AJAP1: variants seen among roughly 807,000 people sequenced by gnomAD.
AJAP1 encodes the protein adherens junctions associated protein 1, also known as adherens junction-associated protein 1.
Under a neutral mutation model 35.0 loss-of-function variants are expected in AJAP1, and 5 were observed. That is an observed-to-expected ratio of 0.14 (90% confidence interval 0.07 to 0.30). The LOEUF is 0.30. AJAP1 is among the 10% of genes least tolerant of loss of function. The pLI is 1.00. For missense variants in AJAP1, 586 were observed against 571.0 expected, an observed-to-expected ratio of 1.03 and a Z score of -0.27; for synonymous variants, 284 against 249.3, an observed-to-expected ratio of 1.14 and a Z score of -1.31.
chr1:4,749,162 C>T (rs770770863), intron 2 of AJAP1, among the ~76,000 whole-genome samples: 8 of 152,182 alleles, frequency 5.3e-5, no homozygotes, highest in Non-Finnish European at 8.8e-5. Flanking sequence ...AAGGGCCTTC[C>T]GTGAGCTCAC....
rs1641797868 is a variant in AJAP1, at chr1:4,769,950, C to T, written c.917+10C>T. The T allele has an allele frequency of 1.2e-6, 2 of 1,608,952 alleles. No individual in the cohort carries two copies. The highest frequency in any genetic ancestry group is 3.3e-5 in the Admixed American group (2 of 60,016). On this transcript the variant is annotated intron_variant, in intron 3 of 5. Transcript: ENST00000378191. Reference sequence around the variant, plus strand: ...TTGTCTTAAAAAATTGGTAAGGCTCCTTGGGCCCTTCTGGCCCAGAAATGG... The same window carrying T: ...TTGTCTTAAAAAATTGGTAAGGCTCTTTGGGCCCTTCTGGCCCAGAAATGG...
In AJAP1 at chr1:4,774,534, G is replaced by A; in HGVS notation, c.*35G>A. 2.5e-6 allele frequency: 4 copies of A among 1,596,300 alleles called. No individual in the cohort carries two copies. Among genetic ancestry groups the A allele is most frequent in the Non-Finnish European group, 3.4e-6 (4 of 1,164,444 alleles). ...GTCTTTTTTACCTCCTGGGGGCAGG[G>A]CAGACGCCGTGTGTCTGTTTCACGG... On this transcript the variant is annotated 3_prime_UTR_variant, in exon 5 of 6. Transcript: ENST00000378191.
At chr1:4,719,071 T>C (rs1300033884) in intron 2 of AJAP1, among the ~76,000 whole-genome samples, 1 of 152,184 alleles carries the variant, frequency 6.6e-6, no homozygotes, top group Non-Finnish European at 1.5e-5. Flanking sequence ...GTTTGATATA[T>C]AGTGGGTTGA....
intron 1 of AJAP1, among the ~76,000 whole-genome samples, chr1:4,665,984 G>A (rs1270067413): frequency 6.6e-6 from 1 of 152,244 alleles, no homozygotes; most frequent in African/African-American, 2.4e-5. Context: ...GGACAGCCAG[G>A]CGGAGGGAAT....
intron 1 of AJAP1, among the ~76,000 whole-genome samples, chr1:4,705,911 A>G (rs777638947): frequency 6.4e-4 from 98 of 152,316 alleles, no homozygotes; most frequent in Non-Finnish European, 1.2e-3. Flanking sequence ...CCACGTGTGT[A>G]GTTCCTGGTT....
chr1:4,689,183 A>G (rs771035353), intron 1 of AJAP1, among the ~76,000 whole-genome samples: 2 of 152,122 alleles, frequency 1.3e-5, no homozygotes, highest in Non-Finnish European at 2.9e-5. Flanking sequence ...AGAGAGAGAA[A>G]CACACCGACG....
At chr1:4,666,698 G>A (rs376467870) in intron 1 of AJAP1, among the ~76,000 whole-genome samples, 10 of 122,284 alleles carry the variant, frequency 8.2e-5, no homozygotes, top group Admixed American at 8.0e-5. Flanking sequence ...CCCAAGAATC[G>A]CGGGAGGGGT....
chr1:4,698,022 G>A lies in AJAP1; in HGVS notation c.30-13878G>A, dbSNP rs547433208. On this transcript the variant is annotated intron_variant, in intron 1 of 5. Transcript: ENST00000378191. ...GGAGATTAAGCTGTGCAGTCATCGC[G>A]GCATCTCCTGTGAGGCAGCAGAGCC... Among the ~76,000 whole-genome samples the A allele has an allele frequency of 5.3e-5, 8 of 152,340 alleles. No individual in the cohort carries two copies. In the East Asian group the frequency reaches 7.7e-4, roughly 15 times the overall value.
chr1:4,739,029 C>T (rs935805580), intron 2 of AJAP1, among the ~76,000 whole-genome samples: 14 of 152,070 alleles, frequency 9.2e-5, no homozygotes, highest in African/African-American at 3.4e-4. Flanking sequence ...GGAGGCAGGG[C>T]CACTGCTTCT....
At chr1:4,716,965 A>G (rs1319259697) in intron 2 of AJAP1, among the ~76,000 whole-genome samples, 1 of 152,202 alleles carries the variant, frequency 6.6e-6, no homozygotes, top group East Asian at 1.9e-4. Flanking sequence ...ACAGGTTCAC[A>G]GAGGCATTGA....
rs369453529 is a variant in AJAP1, at chr1:4,782,723, A to G, written c.*238A>G. 1.7e-4 allele frequency: 68 copies of G among 398,628 alleles called. No homozygotes were observed. The highest frequency in any genetic ancestry group is 1.3e-3 in the South Asian group (10 of 7,856). 24.7% of individuals were successfully genotyped at this position (398,628 alleles called of 1,614,324 possible). On this transcript the variant is annotated 3_prime_UTR_variant, in exon 6 of 6. Coordinates refer to ENST00000378191, the MANE Select transcript of AJAP1 (RefSeq NM_018836.4). This position sits in a 1 kb window ranked among gnomAD's most constrained non-coding sequence, Gnocchi z 5.3. ...TATTTTTGTAAAAATGCTCATGCCT[A>G]TGGGTGACTGCCTTCTCCCAGAGTT...
At chr1:4,766,321 C>G (rs572913180) in intron 2 of AJAP1, among the ~76,000 whole-genome samples, 1 of 152,124 alleles carries the variant, frequency 6.6e-6, no homozygotes, top group Non-Finnish European at 1.5e-5. Context: ...GTTTGTCTAC[C>G]TGGGATCCAC....
intron 1 of AJAP1, among the ~76,000 whole-genome samples, chr1:4,667,940 A>G (rs1570090277): frequency 2.0e-5 from 3 of 152,234 alleles, no homozygotes; most frequent in East Asian, 3.9e-4. Context: ...TAAGGCCAGG[A>G]GTGTTTGCTC....
At chr1:4,781,735 C>T (rs1476898357) in intron 5 of AJAP1, among the ~76,000 whole-genome samples, 1 of 152,230 alleles carries the variant, frequency 6.6e-6, no homozygotes, top group Non-Finnish European at 1.5e-5. Flanking sequence ...GGCAGAAGGT[C>T]CCCAGATGGG....
At chr1:4,781,925 ACAC>A (rs1392184182) in intron 5 of AJAP1, among the ~76,000 whole-genome samples, 1 of 152,186 alleles carries the variant, frequency 6.6e-6, no homozygotes, top group East Asian at 1.9e-4. Context: ...CGCAGTCAGC[ACAC>A]CTGACCTGTG....
chr1:4,662,233 G>A (rs995520924), intron 1 of AJAP1, among the ~76,000 whole-genome samples: 3 of 152,176 alleles, frequency 2.0e-5, no homozygotes, highest in African/African-American at 7.2e-5. Flanking sequence ...CCCTTTTGCT[G>A]TTTGTAGCAA....
chr1:4,727,067 A>G (rs377044240), intron 2 of AJAP1, among the ~76,000 whole-genome samples: 1 of 152,214 alleles, frequency 6.6e-6, no homozygotes, highest in African/African-American at 2.4e-5. Context: ...GCAGGTTGCC[A>G]TTGCTTCGCA....
At chr1:4,726,577 A>G (rs1286259212) in intron 2 of AJAP1, among the ~76,000 whole-genome samples, 2 of 152,062 alleles carry the variant, frequency 1.3e-5, no homozygotes, top group Non-Finnish European at 1.5e-5. Flanking sequence ...CACCCAGAGA[A>G]GGTGAGTTTT....
rs976544166 is a variant in AJAP1, at chr1:4,654,686, G to C, written c.-740G>C. 1.2e-4 allele frequency: 17 copies of C among 146,616 alleles called. No individual in the cohort carries two copies. Among genetic ancestry groups the C allele is most frequent in the African/African-American group, 4.2e-4 (17 of 40,822 alleles). The allele number at this position is 146,616 out of a possible 1,614,324, so 9.1% of individuals were successfully genotyped here. A position where few individuals can be genotyped will look rare whatever the true frequency, so the allele number is the denominator to read the frequency against. On this transcript the variant is annotated 5_prime_UTR_variant, in exon 1 of 6. Transcript: ENST00000378191. The surrounding 1 kb of genome is among the most constrained non-coding windows in gnomAD (Gnocchi z 5.1). ...GGTGGGCGCGGGCGGCGGGGCCCCGGGATCCCCGCGCGCCTCCTCCGCGCG... is the reference window on the plus strand; with the variant it reads ...GGTGGGCGCGGGCGGCGGGGCCCCGCGATCCCCGCGCGCCTCCTCCGCGCG...
Sources: gnomAD v4.1 joint callset for allele counts (sites outside exome capture counted in the v4.1 genomes callset) on GRCh38, gnomAD v4.1.1 for gene constraint, Gnocchi (gnomAD v3.1) non-coding constraint, MANE v1.5 for transcripts, NCBI Gene and HGNC (gene_info 2026-07-23, HGNC 2026-07-21) for gene names.